NUBPL: variants seen among roughly 807,000 people sequenced by gnomAD.
The protein encoded by NUBPL is NUBP iron-sulfur cluster assembly factor, mitochondrial, also known as iron-sulfur cluster transfer protein NUBPL.
A neutral mutation model predicts 45.7 loss-of-function variants in NUBPL; 31 were observed. That is an observed-to-expected ratio of 0.68 (90% CI 0.51 to 0.92). NUBPL has a LOEUF of 0.92. Among genes scored for constraint, NUBPL ranks in the 40% least tolerant of loss-of-function variants. The pLI is 0.00. For synonymous variants in NUBPL, 144 were observed against 140.9 expected (o/e 1.02, Z -0.15); for missense variants, 401 against 398.7 (o/e 1.01, Z -0.05).
chr14:31,715,001 G>A (rs1460657999), intron 6 of NUBPL, among the ~76,000 whole-genome samples: 3 of 152,058 alleles, frequency 2.0e-5, no homozygotes, highest in Non-Finnish European at 2.9e-5. Flanking sequence ...CAAACTCTTC[G>A]AAAGAATTTA....
At chr14:31,837,588 A>G (rs2040302290) in intron 8 of NUBPL, among the ~76,000 whole-genome samples, 1 of 152,202 alleles carries the variant, frequency 6.6e-6, no homozygotes, top group South Asian at 2.1e-4. Flanking sequence ...GTACCACAGT[A>G]TATTCAAAAT....
chr14:31,614,566 CT>C (rs1365266088), intron 4 of NUBPL, among the ~76,000 whole-genome samples: 2 of 152,122 alleles, frequency 1.3e-5, no homozygotes, highest in Non-Finnish European at 2.9e-5. Context: ...GGCTTGAAAA[CT>C]TATGATTTTC....
At position 31,836,515 on chromosome 14, in the gene NUBPL, G is replaced by C. The variant is rs116633347; in HGVS notation, c.693+9801G>C. On this transcript the variant is annotated intron_variant, in intron 8 of 10. Coordinates refer to ENST00000281081, the MANE Select transcript of NUBPL (RefSeq NM_025152.3). ...ACAAGATGTAAGGCTTATTTGGCGG[G>C]GAAGACATCATAATGGACTTGAATT... Among the ~76,000 whole-genome samples the C allele has an allele frequency of 5.6e-3, 849 of 152,204 alleles. 11 individuals carry two copies. The highest frequency in any genetic ancestry group is 0.02 in the African/African-American group (812 of 41,526).
chr14:31,856,941 G>C (rs754881526), intron 10 of NUBPL, among the ~76,000 whole-genome samples: 1 of 152,170 alleles, frequency 6.6e-6, no homozygotes, highest in Non-Finnish European at 1.5e-5. Flanking sequence ...GGGTCTGGAG[G>C]ATGGTGACTG....
chr14:31,605,893 C>T (rs2034579540), intron 4 of NUBPL, among the ~76,000 whole-genome samples: 1 of 147,426 alleles, frequency 6.8e-6, no homozygotes, highest in Non-Finnish European at 1.5e-5. Context: ...CTCCTTGTCT[C>T]CTCCCTTCTC....
chr14:31,806,754 A>G (rs1566572583), intron 7 of NUBPL, among the ~76,000 whole-genome samples: 1 of 151,752 alleles, frequency 6.6e-6, no homozygotes, highest in African/African-American at 2.4e-5. Flanking sequence ...TATTTCTACT[A>G]CTGCTATCCC....
intron 6 of NUBPL, among the ~76,000 whole-genome samples, chr14:31,754,698 T>A (rs551761008): frequency 4.1e-4 from 57 of 137,456 alleles, no homozygotes; most frequent in African/African-American, 1.5e-3. Context: ...AAAAAAAAAT[T>A]TTTTTTATTA....
chr14:31,852,322 G>A (rs1031730307), intron 10 of NUBPL, among the ~76,000 whole-genome samples: 25 of 152,184 alleles, frequency 1.6e-4, no homozygotes, highest in Admixed American at 6.5e-5. Flanking sequence ...AAAGAGCTGA[G>A]TCCACTTAGT....
At chr14:31,851,615 C>G (rs1385108815) in intron 10 of NUBPL, among the ~76,000 whole-genome samples, 2 of 152,116 alleles carry the variant, frequency 1.3e-5, no homozygotes, top group Non-Finnish European at 2.9e-5. Context: ...CCTTTTCAGT[C>G]TTTCTCAACA....
At chr14:31,825,454 T>G (rs2040081113) in intron 7 of NUBPL, among the ~76,000 whole-genome samples, 1 of 152,112 alleles carries the variant, frequency 6.6e-6, no homozygotes, top group Non-Finnish European at 1.5e-5. Context: ...AACAGCTTCT[T>G]CTTCCTCCTC....
intron 3 of NUBPL, among the ~76,000 whole-genome samples, chr14:31,589,662 C>T (rs2139521736): frequency 6.6e-6 from 1 of 152,256 alleles, no homozygotes; most frequent in South Asian, 2.1e-4. Flanking sequence ...TGCTCTTCCT[C>T]CTCCTCCACA....
At chr14:31,836,533 C>T (rs567013221) in intron 8 of NUBPL, among the ~76,000 whole-genome samples, 80 of 152,240 alleles carry the variant, frequency 5.3e-4, no homozygotes, top group Admixed American at 2.8e-3. Context: ...TCATAATGGA[C>T]TTGAATTCTT....
At chr14:31,634,457 A>C (rs112807949) in intron 4 of NUBPL, among the ~76,000 whole-genome samples, 5 of 151,914 alleles carry the variant, frequency 3.3e-5, no homozygotes, top group African/African-American at 1.2e-4. Flanking sequence ...CATGGTGTAC[A>C]TGTGCCACAT....
At chr14:31,824,943 A>G (rs931247090) in intron 7 of NUBPL, among the ~76,000 whole-genome samples, 1 of 147,912 alleles carries the variant, frequency 6.8e-6, no homozygotes, top group Non-Finnish European at 1.5e-5. Context: ...CCACAAAATT[A>G]AAAAAAAATT....
chr14:31,562,318 A>C (rs2033309969), intron 2 of NUBPL, 103 bp downstream of exon 2: 1 of 1,111,226 alleles, frequency 9.0e-7, no homozygotes, highest in Admixed American at 2.6e-5. Flanking sequence ...TTATTTGTGA[A>C]GTTCCTAACA....
At chr14:31,751,077 C>T (rs1032553615) in intron 6 of NUBPL, among the ~76,000 whole-genome samples, 5 of 152,134 alleles carry the variant, frequency 3.3e-5, no homozygotes, top group African/African-American at 9.7e-5. Flanking sequence ...GGAAAACCAC[C>T]TGCATGATTT....
chr14:31,571,896 T>C (rs981006811), intron 3 of NUBPL, among the ~76,000 whole-genome samples: 2 of 152,244 alleles, frequency 1.3e-5, no homozygotes, highest in African/African-American at 4.8e-5. Flanking sequence ...TTATATGTGC[T>C]TTCCATGGAC....
chr14:31,813,484 T>C (rs953909611), intron 7 of NUBPL, among the ~76,000 whole-genome samples: 7 of 151,054 alleles, frequency 4.6e-5, no homozygotes, highest in Non-Finnish European at 7.4e-5. Context: ...CATATATATA[T>C]ATACACACAT....
At chr14:31,828,175 C>T (rs1194394087) in intron 8 of NUBPL, among the ~76,000 whole-genome samples, 1 of 152,104 alleles carries the variant, frequency 6.6e-6, no homozygotes, top group East Asian at 1.9e-4. Context: ...CAGTGATAAC[C>T]AAATGCCTGC....
Sources: allele counts gnomAD v4.1 joint callset (sites outside exome capture counted in the v4.1 genomes callset), GRCh38; gene constraint gnomAD v4.1.1; transcripts MANE v1.5; gene names NCBI Gene and HGNC (gene_info 2026-07-23, HGNC 2026-07-21).